The following PPP1R37 variants were observed in gnomAD, a reference collection of about 807,000 sequenced individuals.
The protein encoded by PPP1R37 is leucine rich repeat containing 68.
In PPP1R37, 21 loss-of-function variants were observed where a neutral mutation model predicts 61.0. The ratio of observed to expected loss-of-function variants is 0.34; its 90% CI spans 0.24 to 0.50. The LOEUF (loss-of-function observed/expected upper bound fraction) is 0.50, where lower values mean the gene tolerates loss of function less well. Ranked by LOEUF, PPP1R37 falls within the 20% of genes least tolerant of loss-of-function variation. The probability of loss-of-function intolerance (pLI) is 0.98; values close to 1 mark genes in which losing one functional copy is unlikely to be tolerated. For synonymous variants in PPP1R37, 443 were observed against 433.5 expected, an observed-to-expected ratio of 1.02 and a Z score of -0.27; for missense variants, 910 against 952.7, an observed-to-expected ratio of 0.96 and a Z score of 0.59.
rs185548489 is a variant in PPP1R37 at position 45,131,784 on chromosome 19, G to A, written c.203-6730G>A. Among the ~76,000 whole-genome samples, 324 of 152,208 alleles carry A rather than the reference G, an allele frequency of 2.1e-3. 2 individuals carry two copies. The highest frequency in any genetic ancestry group is 7.4e-3 in the African/African-American group (308 of 41,506). On this transcript the variant is annotated intron_variant, in intron 1 of 12. Coordinates refer to ENST00000221462, the MANE Select transcript of PPP1R37 (RefSeq NM_019121.2). ...TACACAGAGTAAGTTTCTGATACCG[G>A]GAAGTGGCTGCCACCATCACCACCA...
chr19:45,100,220 A>G (rs528261679), intron 1 of PPP1R37: 1 of 152,338 alleles, frequency 6.6e-6, no homozygotes, highest in East Asian at 1.9e-4. Flanking sequence ...GCCTGCCTTC[A>G]GACCTCAGTT....
intron 2 of PPP1R37, among the ~76,000 whole-genome samples, chr19:45,139,071 G>C (rs986869109): frequency 6.6e-6 from 1 of 151,822 alleles, no homozygotes; most frequent in Non-Finnish European, 1.5e-5. Context: ...ACGCCACCAT[G>C]CCCAGCTAAT....
chr19:45,110,712 G>A (rs528030229), intron 1 of PPP1R37, among the ~76,000 whole-genome samples: 1 of 152,264 alleles, frequency 6.6e-6, no homozygotes, highest in Admixed American at 6.5e-5. Flanking sequence ...TCTGAGGGTT[G>A]GTGGCATTAC....
chr19:45,145,743 G>A lies in PPP1R37; in HGVS notation c.1687G>A (p.Gly563Ser). 6.5e-7 allele frequency: 1 copy of A among 1,529,600 alleles called. No homozygotes were observed. Among genetic ancestry groups the A allele is most frequent in the South Asian group, 1.2e-5 (1 of 83,052 alleles). The allele number at this position is 1,529,600 out of a possible 1,614,324, so 94.8% of individuals were successfully genotyped here. A position where few individuals can be genotyped will look rare whatever the true frequency, so the allele number is the denominator to read the frequency against. The part of the protein sequence containing the change: ...TEQRISVSSP[G>S]RGHKVFVVTR... ...GCAGCGGATTTCCGTGTCCAGCCCG[G>A]GCCGGGGCCACAAGGTGTTTGTGGT... Residue 563 changes from glycine to serine, a missense_variant, in exon 11 of 13, where the codon GGC (glycine) becomes AGC (serine). Gly to Ser is a moderately conservative substitution (Grantham distance 56). This residue lies in a region of PPP1R37 where 549 missense variants were observed against 505.1 expected (regional missense o/e 1.09). Coordinates refer to ENST00000221462, the MANE Select transcript of PPP1R37 (RefSeq NM_019121.2).
chr19:45,095,219 C>T (rs1236137172), intron 1 of PPP1R37, among the ~76,000 whole-genome samples: 3 of 152,062 alleles, frequency 2.0e-5, no homozygotes, highest in East Asian at 1.9e-4. Context: ...ACGGAGTCTC[C>T]CTCTGTCGCC....
At position 45,130,360 on chromosome 19, in the gene PPP1R37, A is replaced by G. The variant is rs1968460639; in HGVS notation, c.203-8154A>G. On this transcript the variant is annotated intron_variant, in intron 1 of 12. Coordinates refer to ENST00000221462, the MANE Select transcript of PPP1R37 (RefSeq NM_019121.2). This position sits in a 1 kb window ranked among gnomAD's most constrained non-coding sequence, Gnocchi z 4.4. ...CCCAGTGGCTCCGGTCTCCTGCAGA[A>G]TGAGAGCGAAGTCCTCACCAGGGTC... 6.6e-6 allele frequency among the ~76,000 whole-genome samples: 1 copy of G among 152,100 alleles called. No homozygotes were observed. The highest frequency in any genetic ancestry group is 1.5e-5 in the Non-Finnish European group (1 of 67,998).
At chr19:45,135,611 C>T (rs1461850945) in intron 1 of PPP1R37, among the ~76,000 whole-genome samples, 1 of 152,214 alleles carries the variant, frequency 6.6e-6, no homozygotes, top group Non-Finnish European at 1.5e-5. Flanking sequence ...CTGGCTTCAG[C>T]CGCCACAGAG....
At position 45,121,035 on chromosome 19, in the gene PPP1R37, T is replaced by G. The variant is rs909570676; in HGVS notation, c.203-17479T>G. 1.3e-5 allele frequency among the ~76,000 whole-genome samples: 2 copies of G among 152,204 alleles called. No homozygotes were observed. The highest frequency in any genetic ancestry group is 3.8e-4 in the East Asian group (2 of 5,202). ...GAAAGTTGGGGAGATAATTTCTATT[T>G]CTCAGGGCCATTAGGAAGTGGAAAC... On this transcript the variant is annotated intron_variant, in intron 1 of 12. Transcript: ENST00000221462. The surrounding 1 kb of genome is among the most constrained non-coding windows in gnomAD (Gnocchi z 4.2).
chr19:45,146,245 T>A (rs1599715087), intron 11 of PPP1R37, 145 bp from the exon 12 acceptor site: 3 of 859,586 alleles, frequency 3.5e-6, no homozygotes, highest in Non-Finnish European at 3.5e-6. Flanking sequence ...TGGGGGGGCA[T>A]GTAAGGTGTG....
intron 1 of PPP1R37, among the ~76,000 whole-genome samples, chr19:45,102,258 T>C (rs1220051551): frequency 6.6e-6 from 1 of 152,202 alleles, no homozygotes; most frequent in Non-Finnish European, 1.5e-5. Flanking sequence ...AAATTCTGAT[T>C]CTAAAACACG....
chr19:45,111,055 C>G (rs1968193654), intron 1 of PPP1R37, among the ~76,000 whole-genome samples: 1 of 152,124 alleles, frequency 6.6e-6, no homozygotes, highest in Non-Finnish European at 1.5e-5. Flanking sequence ...CATTGAGCCA[C>G]TAAATGACTC....
In PPP1R37 at chr19:45,141,036, G is replaced by A. The variant is rs148316594; in HGVS notation, c.448-286G>A. ...GGGATCCAGGGGCAGGGGACCTGGA[G>A]AACTGAGGCCCAGGCTCAGGAACAC... is the stretch of plus-strand genomic sequence containing the variant. On this transcript the variant is annotated intron_variant, in intron 4 of 12. Coordinates refer to ENST00000221462, the MANE Select transcript of PPP1R37 (RefSeq NM_019121.2). 1.1e-4 allele frequency among the ~76,000 whole-genome samples: 17 copies of A among 152,328 alleles called. No individual in the cohort carries two copies. In the East Asian group the frequency reaches 2.5e-3, roughly 23 times the overall value.
intron 1 of PPP1R37, among the ~76,000 whole-genome samples, chr19:45,125,700 C>T (rs1260921476): frequency 6.6e-6 from 1 of 152,132 alleles, no homozygotes; most frequent in Non-Finnish European, 1.5e-5. Context: ...GGTTGTGGGA[C>T]GGGGCACCTA....
chr19:45,119,498 G>C (rs1968312944), intron 1 of PPP1R37, among the ~76,000 whole-genome samples: 1 of 152,200 alleles, frequency 6.6e-6, no homozygotes, highest in Non-Finnish European at 1.5e-5. Context: ...AAGAAAGTAG[G>C]AGTATAATGA....
At position 45,138,548 on chromosome 19, in the gene PPP1R37, C is replaced by G. The variant is rs1302544654; in HGVS notation, c.237C>G (p.Ala79=). The G allele has an allele frequency of 1.5e-5, 23 of 1,530,942 alleles. No homozygotes were observed. The highest frequency in any genetic ancestry group is 1.9e-5 in the Non-Finnish European group (22 of 1,143,732). 94.8% of individuals were successfully genotyped at this position (1,530,942 alleles called of 1,614,324 possible). The change falls in exon 2 of 13, where the codon GCC becomes GCG. Residue 79 remains alanine (A), a synonymous_variant. Transcript: ENST00000221462. ...QNVTVDEVIG[A]YKQACQKLNC... ...TGACCGTGGACGAGGTCATCGGCGC[C>G]TACAAGCAGGCCTGCCAGAAGCTGA...
At chr19:45,106,129 C>T (rs577434841) in intron 1 of PPP1R37, among the ~76,000 whole-genome samples, 9 of 152,216 alleles carry the variant, frequency 5.9e-5, no homozygotes, top group Non-Finnish European at 1.3e-4. Flanking sequence ...CCTTCCTCAT[C>T]TCAGGGGTAG....
In PPP1R37 at chr19:45,138,514, C is replaced by T; in HGVS notation, c.203C>T (p.Ala68Val). Residue 68 changes from alanine to valine, a missense_variant and splice_region_variant, in exon 2 of 13, where the codon GCC becomes GTC. Coordinates refer to ENST00000221462, the MANE Select transcript of PPP1R37 (RefSeq NM_019121.2). ...AGGCCTGGGTCCCCTGTGCCTGCAG[C>T]CCAGAATGTGACCGTGGACGAGGTC... ...AVEPKDPWRH[A>V]QNVTVDEVIG... 6.5e-7 allele frequency: 1 copy of T among 1,535,594 alleles called. No individual in the cohort carries two copies. The highest frequency in any genetic ancestry group is 8.7e-7 in the Non-Finnish European group (1 of 1,146,500).
chr19:45,127,863 T>A lies in PPP1R37; in HGVS notation c.203-10651T>A, dbSNP rs569378361. ...GGTGGCACATGCCTGTAGTTCCATCTACTAGGGAGGCTGAGGCAGGAGAAT... is the reference window on the plus strand; with the variant it reads ...GGTGGCACATGCCTGTAGTTCCATCAACTAGGGAGGCTGAGGCAGGAGAAT... On this transcript the variant is annotated intron_variant, in intron 1 of 12. Coordinates refer to ENST00000221462, the MANE Select transcript of PPP1R37 (RefSeq NM_019121.2). Among the ~76,000 whole-genome samples the A allele has an allele frequency of 2.0e-5, 3 of 150,832 alleles. No homozygotes were observed. The South Asian group carries it at 6.3e-4, about 31-fold the overall frequency.
rs1211026057 is a variant in PPP1R37, at chr19:45,145,090, C to A, written c.1130-4C>A. 3 of 1,532,430 alleles carry A rather than the reference C, an allele frequency of 2.0e-6. No individual in the cohort carries two copies. The highest frequency in any genetic ancestry group is 3.9e-5 in the Admixed American group (2 of 50,754). 94.9% of individuals were successfully genotyped at this position (1,532,430 alleles called of 1,614,324 possible). On this transcript the variant is annotated splice_polypyrimidine_tract_variant and splice_region_variant and intron_variant, in intron 9 of 12. Transcript: ENST00000221462. ...CGTGGCCAGCCCCTGCGGTGCCCCCCCAGGCGCGGTGGCGGTGGCGGAGTT... is the reference window on the plus strand; with the variant it reads ...CGTGGCCAGCCCCTGCGGTGCCCCCACAGGCGCGGTGGCGGTGGCGGAGTT...
Sources: gnomAD v4.1 joint callset for allele counts (sites outside exome capture counted in the v4.1 genomes callset) on GRCh38, gnomAD v4.1.1 for gene constraint, gnomAD v4.1.1 regional missense constraint, Gnocchi (gnomAD v3.1) non-coding constraint, MANE v1.5 for transcripts, NCBI Gene and HGNC (gene_info 2026-07-23, HGNC 2026-07-21) for gene names.